COL27A1: variants seen among roughly 807,000 people sequenced by gnomAD.
The protein encoded by COL27A1 is collagen type XXVII alpha 1 chain, also known as collagen alpha-1(XXVII) chain.
COL27A1 carries 106 observed loss-of-function variants against 251.3 expected under a neutral mutation model. That is an observed-to-expected ratio of 0.42 (90% CI 0.36 to 0.50). The LOEUF is 0.50. Among genes scored for constraint, COL27A1 ranks in the 20% least tolerant of loss-of-function variants. The pLI, the probability that COL27A1 is intolerant of heterozygous loss-of-function variation, is 0.00. For synonymous variants in COL27A1, 1,000 were observed against 986.3 expected, an observed-to-expected ratio of 1.01 and a Z score of -0.26; for missense variants, 2,325 against 2,522.8, an observed-to-expected ratio of 0.92 and a Z score of 1.68.
intron 4 of COL27A1, 94 bp downstream of exon 4, chr9:114,178,438 G>A (rs2135146125): frequency 8.9e-7 from 1 of 1,129,600 alleles, no homozygotes; most frequent in Non-Finnish European, 1.3e-6. Flanking sequence ...TGTGTCCTCA[G>A]GTTCTTCCCT....
chr9:114,195,260 G>A (rs1484558917), intron 6 of COL27A1, among the ~76,000 whole-genome samples: 3 of 152,280 alleles, frequency 2.0e-5, no homozygotes, highest in East Asian at 1.9e-4. Context: ...CCCAAGACAC[G>A]AGTTGCTTAT....
chr9:114,216,643 C>T lies in COL27A1; in HGVS notation c.2368-3148C>T, dbSNP rs111454517. Among the ~76,000 whole-genome samples the T allele has an allele frequency of 1.3e-4, 20 of 152,258 alleles. 1 individual carries two copies. Among genetic ancestry groups the T allele is most frequent in the African/African-American group, 3.9e-4 (16 of 41,544 alleles). On this transcript the variant is annotated intron_variant, in intron 12 of 60. Coordinates refer to ENST00000356083, the MANE Select transcript of COL27A1 (RefSeq NM_032888.4). The stretch of plus-strand genomic sequence containing the variant: ...GTCTCGGGTCCTTTCATCCTTAGAC[C>T]ATCTGTGATTGTTCCAATCAGAGAT...
At chr9:114,165,672 CCAT>C in intron 2 of COL27A1, among the ~76,000 whole-genome samples, 1 of 151,410 alleles carries the variant, frequency 6.6e-6, no homozygotes, top group Non-Finnish European at 1.5e-5. Context: ...ATCCATCCAT[CCAT>C]CCATCCATCT....
intron 23 of COL27A1, among the ~76,000 whole-genome samples, chr9:114,244,913 A>G (rs1394281898): frequency 1.3e-5 from 2 of 152,198 alleles, no homozygotes; most frequent in African/African-American, 4.8e-5. Flanking sequence ...GACAAGGCCG[A>G]GATAGGCCAC....
At chr9:114,251,406 C>T (rs952435349) in intron 25 of COL27A1, among the ~76,000 whole-genome samples, 2 of 152,076 alleles carry the variant, frequency 1.3e-5, no homozygotes, top group South Asian at 4.2e-4. Context: ...CGGGCCTCTG[C>T]CTTCCTCCTC....
chr9:114,308,430 G>T (rs566003082), intron 59 of COL27A1, among the ~76,000 whole-genome samples: 1 of 152,238 alleles, frequency 6.6e-6, no homozygotes, highest in Non-Finnish European at 1.5e-5. Context: ...GAGATGCCTT[G>T]TGCTGACTGG....
At chr9:114,307,410 T>C (rs1377094531) in intron 58 of COL27A1, 2 of 442,212 alleles carry the variant, frequency 4.5e-6, no homozygotes, top group Non-Finnish European at 8.2e-6. Context: ...GTCTTCTCTG[T>C]AAAATGGATA....
intron 49 of COL27A1, among the ~76,000 whole-genome samples, chr9:114,298,422 T>C (rs1828396296): frequency 6.6e-6 from 1 of 152,238 alleles, no homozygotes; most frequent in African/African-American, 2.4e-5. Flanking sequence ...AGATCAAAGT[T>C]GGACAACTCA....
At position 114,244,745 on chromosome 9, in the gene COL27A1, G is replaced by C. The variant is rs553434356; in HGVS notation, c.2935-1121G>C. Among the ~76,000 whole-genome samples the C allele has an allele frequency of 3.9e-5, 6 of 152,306 alleles. No individual in the cohort carries two copies. In the South Asian group the frequency reaches 1.2e-3, roughly 32 times the overall value. ...TATGCGCCAAACTACTGGCTAGCCC[G>C]AGCCCATGTCCTGCCGTCTGAGGTT... On this transcript the variant is annotated intron_variant, in intron 23 of 60. Transcript: ENST00000356083.
At chr9:114,295,132 A>C (rs1828175274) in intron 49 of COL27A1, among the ~76,000 whole-genome samples, 1 of 152,274 alleles carries the variant, frequency 6.6e-6, no homozygotes, top group Non-Finnish European at 1.5e-5. Flanking sequence ...AATGAATTGC[A>C]TTTCTATACA....
At chr9:114,241,335 C>A (rs1202469920) in intron 21 of COL27A1, among the ~76,000 whole-genome samples, 1 of 152,256 alleles carries the variant, frequency 6.6e-6, no homozygotes. Flanking sequence ...GACATGGATC[C>A]CTTCTCGGGC....
chr9:114,277,578 C>A (rs920569729), intron 37 of COL27A1, among the ~76,000 whole-genome samples: 1 of 152,178 alleles, frequency 6.6e-6, no homozygotes, highest in African/African-American at 2.4e-5. Flanking sequence ...AAGTGCCAAT[C>A]CCCCTAAACA....
chr9:114,196,282 C>T (rs540948541), intron 7 of COL27A1, among the ~76,000 whole-genome samples: 2 of 152,308 alleles, frequency 1.3e-5, no homozygotes, highest in Admixed American at 6.5e-5. Flanking sequence ...CTTTTGGGGG[C>T]CCAGCCGCTC....
At chr9:114,184,770 G>A (rs567202892) in intron 5 of COL27A1, among the ~76,000 whole-genome samples, 13 of 152,338 alleles carry the variant, frequency 8.5e-5, no homozygotes, top group East Asian at 3.9e-4. Flanking sequence ...ACTGAGGCAC[G>A]GGTCGAGTAA....
chr9:114,233,421 C>A (rs957728188), intron 16 of COL27A1, among the ~76,000 whole-genome samples: 2 of 147,514 alleles, frequency 1.4e-5, no homozygotes, highest in African/African-American at 5.4e-5. Flanking sequence ...GCCCAAGCCT[C>A]CAGCCACAAC....
At chr9:114,218,108 T>C (rs1273260962) in intron 12 of COL27A1, 3 of 246,806 alleles carry the variant, frequency 1.2e-5, no homozygotes, top group Non-Finnish European at 2.4e-5. Context: ...CCCTGTATCA[T>C]GAAAAAAAAA....
chr9:114,229,143 C>G (rs1180037911), intron 14 of COL27A1, among the ~76,000 whole-genome samples: 1 of 152,234 alleles, frequency 6.6e-6, no homozygotes, highest in African/African-American at 2.4e-5. Context: ...AGCAGAATTT[C>G]TTAGCAAAGG....
chr9:114,188,643 T>A (rs556312887), intron 5 of COL27A1, among the ~76,000 whole-genome samples: 23 of 152,278 alleles, frequency 1.5e-4, no homozygotes, highest in African/African-American at 5.5e-4. Flanking sequence ...CAGGCATACA[T>A]ACACATATAT....
At chr9:114,307,596 G>T in intron 58 of COL27A1, 73 bp from the exon 59 acceptor site, 1 of 1,036,586 alleles carries the variant, frequency 9.6e-7, no homozygotes, top group Non-Finnish European at 1.5e-6. Context: ...AAGATGCAGG[G>T]TCCATCTACA....
Sources: gnomAD v4.1 joint callset for allele counts (sites outside exome capture counted in the v4.1 genomes callset) on GRCh38, gnomAD v4.1.1 for gene constraint, MANE v1.5 for transcripts, NCBI Gene and HGNC (gene_info 2026-07-23, HGNC 2026-07-21) for gene names.